Variants in SHISAL2A observed in about 807,000 individuals in gnomAD.
The protein encoded by SHISAL2A is protein shisa-like-2A.
SHISAL2A carries 18 observed loss-of-function variants against 11.5 expected under a neutral mutation model. The observed-to-expected ratio is 1.57, with a 90% CI of 1.08 to 2.33. SHISAL2A has a LOEUF of 2.33. Among genes scored for constraint, SHISAL2A ranks in the 30% most tolerant of loss-of-function variants. The probability of loss-of-function intolerance (pLI) is 0.00; values close to 1 mark genes in which losing one functional copy is unlikely to be tolerated. For missense variants in SHISAL2A, 261 were observed against 250.9 expected (o/e 1.04, Z -0.27); for synonymous variants, 94 against 99.6 (o/e 0.94, Z 0.34).
At chr1:52,635,717 G>A (rs958639619) in intron 1 of SHISAL2A, among the ~76,000 whole-genome samples, 2 of 152,170 alleles carry the variant, frequency 1.3e-5, no homozygotes, top group Admixed American at 6.5e-5. Context: ...TAACCTTGTG[G>A]TTAATTTGTT....
intron 4 of SHISAL2A, among the ~76,000 whole-genome samples, chr1:52,662,374 T>G (rs562881219): frequency 6.6e-6 from 1 of 151,948 alleles, no homozygotes; most frequent in Non-Finnish European, 1.5e-5. Context: ...AGACAGAGTC[T>G]TGCTCTGTCA....
chr1:52,663,293 G>C (rs918406675), intron 4 of SHISAL2A, among the ~76,000 whole-genome samples: 6 of 152,084 alleles, frequency 3.9e-5, no homozygotes, highest in African/African-American at 1.4e-4. Context: ...CAGACCCCTC[G>C]CAGCCCGTTA....
intron 4 of SHISAL2A, among the ~76,000 whole-genome samples, chr1:52,666,097 C>T (rs745782668): frequency 1.3e-5 from 2 of 152,072 alleles, no homozygotes; most frequent in Admixed American, 6.5e-5. Context: ...TGGATACTTA[C>T]GAAGAAATGT....
chr1:52,665,736 TC>T (rs968416494), intron 4 of SHISAL2A, among the ~76,000 whole-genome samples: 11 of 149,610 alleles, frequency 7.4e-5, no homozygotes, highest in African/African-American at 1.7e-4. Context: ...TCAAGCACCA[TC>T]CCCCCCCACT....
chr1:52,637,595 G>T (rs1388661821), intron 1 of SHISAL2A, among the ~76,000 whole-genome samples: 3 of 152,180 alleles, frequency 2.0e-5, no homozygotes, highest in African/African-American at 7.2e-5. Context: ...TTTTACGAGG[G>T]TGTGAGCCAG....
At chr1:52,650,995 G>C in intron 2 of SHISAL2A, among the ~76,000 whole-genome samples, 1 of 146,984 alleles carries the variant, frequency 6.8e-6, no homozygotes, top group Middle Eastern at 3.3e-3. Flanking sequence ...AAAATGTAAT[G>C]TAATTGCTAA....
intron 1 of SHISAL2A, among the ~76,000 whole-genome samples, chr1:52,640,350 A>G (rs1329562588): frequency 6.6e-6 from 1 of 152,196 alleles, no homozygotes; most frequent in Non-Finnish European, 1.5e-5. Flanking sequence ...GCCTGATGCC[A>G]CCTATACCTT....
intron 5 of SHISAL2A, chr1:52,667,753 A>G (rs1571708808): frequency 6.6e-6 from 1 of 152,272 alleles, no homozygotes; most frequent in East Asian, 1.9e-4. Context: ...AACAGGACAT[A>G]CAGCATTTGA....
At chr1:52,637,458 C>T (rs2149873249) in intron 1 of SHISAL2A, among the ~76,000 whole-genome samples, 1 of 152,322 alleles carries the variant, frequency 6.6e-6, no homozygotes, top group South Asian at 2.1e-4. Flanking sequence ...AGAGACAGTG[C>T]TCAAGGAGAA....
chr1:52,642,877 T>TA lies in SHISAL2A; in HGVS notation c.198dup (p.Gly67ArgfsTer27). The TA allele has an allele frequency of 6.2e-7, 1 of 1,613,440 alleles. No homozygotes were observed. Among genetic ancestry groups the TA allele is most frequent in the East Asian group, 2.2e-5 (1 of 44,888 alleles). On this transcript the variant is annotated frameshift_variant, in exon 2 of 3. Coordinates refer to ENST00000517870, the MANE Select transcript of SHISAL2A (RefSeq NM_001042693.3). LOFTEE classifies it high-confidence loss of function. Reference sequence around the variant, plus strand: ...TCTCTTCCCAGCATTGGCGCTCTCATAGGCCTGTCCGTAGCAGCAGTGGTT... The same window carrying TA: ...TCTCTTCCCAGCATTGGCGCTCTCATAAGGCCTGTCCGTAGCAGCAGTGGTT...
At chr1:52,640,740 C>T (rs1020911369) in intron 1 of SHISAL2A, among the ~76,000 whole-genome samples, 6 of 152,146 alleles carry the variant, frequency 3.9e-5, no homozygotes, top group Admixed American at 2.6e-4. Context: ...CTCTGAACCC[C>T]GAGTTCCTGA....
At chr1:52,643,919 T>G (rs1691432684) in intron 2 of SHISAL2A, among the ~76,000 whole-genome samples, 55 of 135,236 alleles carry the variant, frequency 4.1e-4, no homozygotes, top group Middle Eastern at 3.9e-3. Flanking sequence ...AAGGAGGGAG[T>G]AAGGAAGGGA....
downstream of SHISAL2A, among the ~76,000 whole-genome samples, chr1:52,661,147 A>G (rs1691899976): frequency 6.6e-6 from 1 of 152,190 alleles, no homozygotes; most frequent in Non-Finnish European, 1.5e-5. Context: ...TAGACGAGCC[A>G]AGTCCTGAAG....
rs1691189165 is a variant in SHISAL2A at position 52,633,993 on chromosome 1, C to G, written c.182+318C>G. ...CCCCAAATCACATATCAAGCCTCCC[C>G]CTAACAGCAACTTCCATCTTCAAAC... On this transcript the variant is annotated intron_variant, in intron 1 of 2. Transcript: ENST00000517870. This position sits in a 1 kb window ranked among gnomAD's most constrained non-coding sequence, Gnocchi z 6.4. Among the ~76,000 whole-genome samples, 4 of 152,056 alleles carry G rather than the reference C, an allele frequency of 2.6e-5. No homozygotes were observed. The highest frequency in any genetic ancestry group is 2.6e-4 in the Admixed American group (4 of 15,256).
intron 2 of SHISAL2A, among the ~76,000 whole-genome samples, chr1:52,650,212 G>C (rs1419934990): frequency 6.6e-6 from 1 of 152,162 alleles, no homozygotes; most frequent in Non-Finnish European, 1.5e-5. Flanking sequence ...AGTTTGTTTT[G>C]ACTCCTCCAA....
chr1:52,633,435 C>T lies in SHISAL2A; in HGVS notation c.-59C>T. 7.2e-7 allele frequency: 1 copy of T among 1,389,124 alleles called. No individual in the cohort carries two copies. The highest frequency in any genetic ancestry group is 1.5e-5 in the African/African-American group (1 of 65,354). The allele number at this position is 1,389,124 out of a possible 1,614,324, so 86.0% of individuals were successfully genotyped here. On this transcript the variant is annotated 5_prime_UTR_variant, in exon 1 of 3. Coordinates refer to ENST00000517870, the MANE Select transcript of SHISAL2A (RefSeq NM_001042693.3). This position sits in a 1 kb window ranked among gnomAD's most constrained non-coding sequence, Gnocchi z 6.4. ...TCTCGCTCGGTCCCTCGCTTCCCCG[C>T]CGGGCTCTAGCCGGCCGTCTGGTGG...
At chr1:52,642,777 T>C in intron 1 of SHISAL2A, 86 bp from the exon 2 acceptor site, 2 of 1,374,868 alleles carry the variant, frequency 1.5e-6, no homozygotes, top group Non-Finnish European at 2.0e-6. Flanking sequence ...AGCAGGCTCA[T>C]TCTAGCCTAG....
chr1:52,657,213 G>C, downstream of SHISAL2A: 1 of 859,386 alleles, frequency 1.2e-6, no homozygotes, highest in Non-Finnish European at 1.7e-6. Context: ...GTGGGCCAAA[G>C]AACTTTGACA....
At chr1:52,658,650 T>G (rs1361872659), downstream of SHISAL2A, among the ~76,000 whole-genome samples, 2 of 152,234 alleles carry the variant, frequency 1.3e-5, no homozygotes, top group East Asian at 3.8e-4. Flanking sequence ...TAGCTATTAT[T>G]ATTATTTTTA....
Sources: allele counts gnomAD v4.1 joint callset (sites outside exome capture counted in the v4.1 genomes callset), GRCh38; gene constraint gnomAD v4.1.1; non-coding constraint Gnocchi (gnomAD v3.1); transcripts MANE v1.5; gene names NCBI Gene and HGNC (gene_info 2026-07-23, HGNC 2026-07-21).